Variants in SLC6A7 observed in about 807,000 individuals in gnomAD.
SLC6A7 encodes sodium-dependent proline transporter.
SLC6A7 carries 58 observed loss-of-function variants against 73.1 expected under a neutral mutation model. That is an observed-to-expected ratio of 0.79 (90% CI 0.64 to 0.99). The LOEUF is 0.99. Among genes scored for constraint, SLC6A7 ranks in the 50% least tolerant of loss-of-function variants. SLC6A7 has a pLI of 0.00. For missense variants in SLC6A7, 783 were observed against 831.4 expected (o/e 0.94, Z 0.72); for synonymous variants, 338 against 338.7 (o/e 1.00, Z 0.02).
At chr5:150,190,851 C>T (rs1182321234) in intron 1 of SLC6A7, among the ~76,000 whole-genome samples, 1 of 152,204 alleles carries the variant, frequency 6.6e-6, no homozygotes, top group African/African-American at 2.4e-5. Context: ...GCTCCCTCCC[C>T]GCCCCCTTAG....
chr5:150,199,680 A>G (rs1381424170), intron 5 of SLC6A7, among the ~76,000 whole-genome samples: 1 of 152,178 alleles, frequency 6.6e-6, no homozygotes, highest in Non-Finnish European at 1.5e-5. Flanking sequence ...GTGTGAGTGC[A>G]TGAGTTAGGG....
Position 150,210,686 on chromosome 5 carries a change from C to T in SLC6A7, c.*1071C>T, listed in dbSNP as rs1753931945. On this transcript the variant is annotated 3_prime_UTR_variant, in exon 14 of 14. Coordinates refer to ENST00000230671, the MANE Select transcript of SLC6A7 (RefSeq NM_014228.5). ...CCCTTGTCCTGGTGGCCTTCAGTGT[C>T]TCTTCCAGTTCCAGGAGCTGCTGGG... 6.6e-6 allele frequency: 1 copy of T among 152,468 alleles called. No individual in the cohort carries two copies. The highest frequency in any genetic ancestry group is 2.1e-4 in the South Asian group (1 of 4,836). The allele number at this position is 152,468 out of a possible 1,614,324, so 9.4% of individuals were successfully genotyped here.
intron 13 of SLC6A7, among the ~76,000 whole-genome samples, chr5:150,205,897 G>A (rs1753675817): frequency 6.6e-6 from 1 of 152,154 alleles, no homozygotes; most frequent in Admixed American, 6.5e-5. Flanking sequence ...GGGTGTGTCA[G>A]GTCTTGAACT....
intron 13 of SLC6A7, among the ~76,000 whole-genome samples, chr5:150,207,749 C>A (rs773280887): frequency 6.6e-6 from 1 of 152,104 alleles, no homozygotes; most frequent in Admixed American, 6.6e-5. Flanking sequence ...AATATCAGTG[C>A]GGGCGGATGG....
chr5:150,197,340 G>A lies in SLC6A7; in HGVS notation c.584+64G>A, dbSNP rs1310312200. Reference sequence around the variant, plus strand: ...CTGCACTGCTGAGGGTGGCCAGAGGGCATCCCCCACAGTCTCAGCATGTAC... The same window carrying A: ...CTGCACTGCTGAGGGTGGCCAGAGGACATCCCCCACAGTCTCAGCATGTAC... On this transcript the variant is annotated intron_variant, in intron 4 of 13. Transcript: ENST00000230671. 4.6e-6 allele frequency: 5 copies of A among 1,098,694 alleles called. No individual in the cohort carries two copies. In the East Asian group the frequency reaches 1.2e-4, roughly 27 times the overall value. The allele number at this position is 1,098,694 out of a possible 1,614,324, so 68.1% of individuals were successfully genotyped here. A position where few individuals can be genotyped will look rare whatever the true frequency, so the allele number is the denominator to read the frequency against.
At chr5:150,191,168 A>T (rs1185296890) in intron 1 of SLC6A7, among the ~76,000 whole-genome samples, 1 of 152,210 alleles carries the variant, frequency 6.6e-6, no homozygotes, top group African/African-American at 2.4e-5. Flanking sequence ...ACTTTGGACA[A>T]GTTCATTCTC....
At chr5:150,190,533 C>T (rs1226355635) in intron 1 of SLC6A7, among the ~76,000 whole-genome samples, 173 bp downstream of exon 1, 1 of 152,178 alleles carries the variant, frequency 6.6e-6, no homozygotes, top group African/African-American at 2.4e-5. Flanking sequence ...GTCTGCGCCC[C>T]CACCTCTGCC....
Position 150,209,824 on chromosome 5 carries a change from C to G in SLC6A7, c.*209C>G. The G allele has an allele frequency of 1.7e-6, 1 of 590,912 alleles. No individual in the cohort carries two copies. The highest frequency in any genetic ancestry group is 3.0e-6 in the Non-Finnish European group (1 of 328,226). 36.6% of individuals were successfully genotyped at this position (590,912 alleles called of 1,614,324 possible). On this transcript the variant is annotated 3_prime_UTR_variant, in exon 14 of 14. Coordinates refer to ENST00000230671, the MANE Select transcript of SLC6A7 (RefSeq NM_014228.5). ...CCCTACACACACACACAGGCATACTCAGACCCACTCAAAGCTGAGAATGAT... is the reference window on the plus strand; with the variant it reads ...CCCTACACACACACACAGGCATACTGAGACCCACTCAAAGCTGAGAATGAT...
intron 5 of SLC6A7, among the ~76,000 whole-genome samples, chr5:150,200,246 A>G (rs1164783534): frequency 1.3e-5 from 2 of 152,228 alleles, no homozygotes; most frequent in African/African-American, 4.8e-5. Context: ...TAATCCTAGC[A>G]GTTTGGGAAG....
intron 13 of SLC6A7, 78 bp from the exon 14 acceptor site, chr5:150,209,328 C>A: frequency 8.2e-7 from 1 of 1,215,270 alleles, no homozygotes; most frequent in South Asian, 1.2e-5. Flanking sequence ...CAGGTGTTTG[C>A]TGGGTGTCTG....
chr5:150,208,801 C>T (rs1442585746), intron 13 of SLC6A7, among the ~76,000 whole-genome samples: 1 of 152,172 alleles, frequency 6.6e-6, no homozygotes, highest in African/African-American at 2.4e-5. Flanking sequence ...TAGTCATTAT[C>T]TTAGTCACCC....
chr5:150,210,370 A>G lies in SLC6A7; in HGVS notation c.*755A>G, dbSNP rs1025267130. The G allele has an allele frequency of 6.5e-6, 1 of 153,200 alleles. No homozygotes were observed. The highest frequency in any genetic ancestry group is 1.5e-5 in the Non-Finnish European group (1 of 68,604). 9.5% of individuals were successfully genotyped at this position (153,200 alleles called of 1,614,324 possible). A position where few individuals can be genotyped will look rare whatever the true frequency, so the allele number is the denominator to read the frequency against. On this transcript the variant is annotated 3_prime_UTR_variant, in exon 14 of 14. Coordinates refer to ENST00000230671, the MANE Select transcript of SLC6A7 (RefSeq NM_014228.5). The stretch of plus-strand genomic sequence containing the variant: ...AGGGTTCAAGACAGAAGGAAAACTA[A>G]CAGAGGGGGAGCCAGGGATGATGGG...
At position 150,204,619 on chromosome 5, in the gene SLC6A7, A is replaced by G; in HGVS notation, c.1420A>G (p.Thr474Ala). The G allele has an allele frequency of 6.2e-7, 1 of 1,611,208 alleles. No individual in the cohort carries two copies. Among genetic ancestry groups the G allele is most frequent in the Non-Finnish European group, 8.5e-7 (1 of 1,177,332 alleles). The change falls in exon 11 of 14, where the codon ACA becomes GCA. Residue 474 changes from threonine to alanine, a missense_variant. Coordinates refer to ENST00000230671, the MANE Select transcript of SLC6A7 (RefSeq NM_014228.5). ...GGTTATCACCACGTGCCTTGCCGTG[A>G]CACGGGTGTATGGTGAGAAGAGCCG... is the stretch of plus-strand genomic sequence containing the variant. ...VVVITTCLAVTRVYGIQRFCR... is the reference protein window; with the variant it reads ...VVVITTCLAVARVYGIQRFCR...
chr5:150,202,429 C>A lies in SLC6A7; in HGVS notation c.941C>A (p.Thr314Lys), dbSNP rs1355503005. 2.5e-6 allele frequency: 4 copies of A among 1,613,766 alleles called. No individual in the cohort carries two copies. The Admixed American group carries it at 5.0e-5, about 20-fold the overall frequency. ...GGLLTFASYN[T>K]FHQNIYRDTF... ...CTCCTCACCTTTGCCTCCTACAACA[C>A]GTTTCACCAGAACATCTATAGGTCA... The change falls in exon 7 of 14, where the codon ACG becomes AAG. Residue 314 changes from threonine (T) to lysine (K), a missense_variant. Physicochemically the swap from Thr to Lys is moderately conservative, Grantham distance 78. Coordinates refer to ENST00000230671, the MANE Select transcript of SLC6A7 (RefSeq NM_014228.5).
In SLC6A7 at chr5:150,194,734, A is replaced by C. The variant is rs1752935938; in HGVS notation, c.40A>C (p.Thr14Pro). The change falls in exon 2 of 14, where the codon ACC becomes CCC. Residue 14 changes from threonine (T) to proline (P), a missense_variant. Physicochemically the swap from Thr to Pro is conservative, Grantham distance 38. Coordinates refer to ENST00000230671, the MANE Select transcript of SLC6A7 (RefSeq NM_014228.5). ...TGGTCTCTCTCATTGGCAGCCTGTCACCCCAGACCTGCTGATGACCCCCAG... is the reference window on the plus strand; with the variant it reads ...TGGTCTCTCTCATTGGCAGCCTGTCCCCCCAGACCTGCTGATGACCCCCAG... Reference protein sequence around the residue: ...LQGAHLRKPVTPDLLMTPSDQ... With the variant: ...LQGAHLRKPVPPDLLMTPSDQ... The C allele has an allele frequency of 6.2e-7, 1 of 1,613,084 alleles. No individual in the cohort carries two copies. Among genetic ancestry groups the C allele is most frequent in the Non-Finnish European group, 8.5e-7 (1 of 1,179,462 alleles).
At chr5:150,207,245 GT>G (rs1297717493) in intron 13 of SLC6A7, among the ~76,000 whole-genome samples, 3 of 152,024 alleles carry the variant, frequency 2.0e-5, no homozygotes, top group Non-Finnish European at 2.9e-5. Context: ...CAATAGGCAG[GT>G]TTTTTTGTCT....
intron 1 of SLC6A7, 96 bp from the exon 2 acceptor site, chr5:150,194,632 T>A (rs974895094): frequency 2.9e-5 from 25 of 852,422 alleles, no homozygotes; most frequent in Non-Finnish European, 4.7e-5. Flanking sequence ...TGTCTTTTCA[T>A]TTAGCCCTGT....
At chr5:150,203,598 G>A in intron 8 of SLC6A7, 69 bp from the exon 9 acceptor site, 2 of 790,074 alleles carry the variant, frequency 2.5e-6, no homozygotes, top group African/African-American at 1.7e-5. Context: ...GTGGCCGTGT[G>A]TGTCTGAGTG....
intron 1 of SLC6A7, among the ~76,000 whole-genome samples, chr5:150,193,937 C>T (rs1332868741): frequency 1.3e-5 from 2 of 152,292 alleles, no homozygotes; most frequent in African/African-American, 4.8e-5. Context: ...TGTCATGACA[C>T]CTCTTTGAGC....
Sources: allele counts gnomAD v4.1 joint callset (sites outside exome capture counted in the v4.1 genomes callset), GRCh38; gene constraint gnomAD v4.1.1; transcripts MANE v1.5; gene names NCBI Gene and HGNC (gene_info 2026-07-23, HGNC 2026-07-21).